Variants in CTNNA3 observed in about 807,000 individuals in gnomAD.
CTNNA3 encodes catenin alpha 3.
A neutral mutation model predicts 95.7 loss-of-function variants in CTNNA3; 76 were observed. The ratio of observed to expected loss-of-function variants is 0.79; its 90% CI spans 0.66 to 0.96. The LOEUF (loss-of-function observed/expected upper bound fraction) is 0.96, where lower values mean the gene tolerates loss of function less well. Among genes scored for constraint, CTNNA3 ranks in the 40% least tolerant of loss-of-function variants. The pLI, the probability that CTNNA3 is intolerant of heterozygous loss-of-function variation, is 0.00. For missense variants in CTNNA3, 1,191 were observed against 1,089.8 expected (o/e 1.09, Z -1.31); for synonymous variants, 431 against 374.4 (o/e 1.15, Z -1.74).
chr10:66,282,042 AAC>A (rs1418340429), intron 12 of CTNNA3, among the ~76,000 whole-genome samples: 1 of 151,918 alleles, frequency 6.6e-6, no homozygotes, highest in African/African-American at 2.4e-5. Flanking sequence ...TCAACTGCTT[AAC>A]ACATACATGT....
intron 14 of CTNNA3, among the ~76,000 whole-genome samples, chr10:66,093,582 T>TAAAA (rs1353829627): frequency 6.6e-6 from 1 of 151,888 alleles, no homozygotes; most frequent in Non-Finnish European, 1.5e-5. Flanking sequence ...TTGTAGCAAA[T>TAAAA]AAAAAGGATT....
chr10:67,533,089 CA>C (rs1840383891), intron 4 of CTNNA3, among the ~76,000 whole-genome samples: 1 of 152,076 alleles, frequency 6.6e-6, no homozygotes, highest in Admixed American at 6.6e-5. Context: ...TTTGGGAGGC[CA>C]AGGTGGGCAG....
At chr10:66,407,019 T>C (rs527752663) in intron 11 of CTNNA3, among the ~76,000 whole-genome samples, 2 of 152,168 alleles carry the variant, frequency 1.3e-5, no homozygotes, top group African/African-American at 4.8e-5. Context: ...TTAAACACTA[T>C]GAATTTTCTC....
At chr10:66,667,209 T>G (rs1279476519) in intron 9 of CTNNA3, among the ~76,000 whole-genome samples, 1 of 152,136 alleles carries the variant, frequency 6.6e-6, no homozygotes, top group Non-Finnish European at 1.5e-5. Flanking sequence ...TTGCCTAATT[T>G]TGTTACTATA....
At chr10:67,315,086 G>A (rs1840983011) in intron 5 of CTNNA3, among the ~76,000 whole-genome samples, 1 of 152,140 alleles carries the variant, frequency 6.6e-6, no homozygotes. Flanking sequence ...CACACACAGT[G>A]CCCAGTCCTC....
chr10:67,476,159 G>A (rs192730984), intron 5 of CTNNA3, among the ~76,000 whole-genome samples: 9 of 152,190 alleles, frequency 5.9e-5, no homozygotes, highest in South Asian at 4.1e-4. Flanking sequence ...ATTTAAACCC[G>A]CGAGTGCACT....
chr10:67,081,832 C>T (rs1857075055), intron 7 of CTNNA3, among the ~76,000 whole-genome samples: 1 of 152,142 alleles, frequency 6.6e-6, no homozygotes, highest in Admixed American at 6.5e-5. Context: ...TGATCCTAGC[C>T]CAGCAGAGGT....
chr10:67,585,348 C>T (rs918501610), intron 3 of CTNNA3, among the ~76,000 whole-genome samples: 3 of 152,122 alleles, frequency 2.0e-5, no homozygotes, highest in African/African-American at 4.8e-5. Flanking sequence ...ATACTGGCCT[C>T]AAAGAATGAG....
At chr10:66,757,076 C>T (rs1460782247) in intron 9 of CTNNA3, among the ~76,000 whole-genome samples, 1 of 152,140 alleles carries the variant, frequency 6.6e-6, no homozygotes, top group African/African-American at 2.4e-5. Flanking sequence ...CAACACTAGG[C>T]CTGCATTCAT....
At chr10:67,207,681 C>G (rs980164393) in intron 6 of CTNNA3, among the ~76,000 whole-genome samples, 1 of 152,152 alleles carries the variant, frequency 6.6e-6, no homozygotes, top group Non-Finnish European at 1.5e-5. Context: ...TCCAGTATAG[C>G]GACTTGACCT....
chr10:66,113,968 A>C (rs2082215980), intron 13 of CTNNA3, among the ~76,000 whole-genome samples: 1 of 152,094 alleles, frequency 6.6e-6, no homozygotes, highest in African/African-American at 2.4e-5. Context: ...TAATAAGAGC[A>C]GTAGTGGGGG....
intron 7 of CTNNA3, among the ~76,000 whole-genome samples, chr10:67,149,002 A>T (rs2894027): frequency 0.64 from 97,266 of 152,050 alleles, 32,144 homozygotes; most frequent in African/African-American, 0.81. Context: ...TTCAACATCC[A>T]AATTCAGCCC....
intron 7 of CTNNA3, among the ~76,000 whole-genome samples, chr10:66,798,945 T>A (rs967134510): frequency 6.6e-6 from 1 of 151,544 alleles, no homozygotes; most frequent in African/African-American, 2.4e-5. Context: ...GTAAAGAGAG[T>A]ATAATTCAAA....
At chr10:67,739,423 A>T (rs1039964925) in intron 1 of CTNNA3, among the ~76,000 whole-genome samples, 3 of 152,206 alleles carry the variant, frequency 2.0e-5, no homozygotes, top group African/African-American at 7.2e-5. Flanking sequence ...GTCTCAGCCC[A>T]AAATCTCCTT....
chr10:66,198,756 T>C (rs889712442), intron 13 of CTNNA3, among the ~76,000 whole-genome samples: 1 of 152,152 alleles, frequency 6.6e-6, no homozygotes, highest in African/African-American at 2.4e-5. Flanking sequence ...GTATAGCATA[T>C]ATAATTATAT....
intron 5 of CTNNA3, among the ~76,000 whole-genome samples, chr10:67,282,838 T>G (rs1839451886): frequency 6.6e-6 from 1 of 152,168 alleles, no homozygotes; most frequent in Non-Finnish European, 1.5e-5. Flanking sequence ...GACCTTCTCC[T>G]GCATGCCTGT....
chr10:66,458,788 T>C (rs2093510554), intron 11 of CTNNA3, among the ~76,000 whole-genome samples: 1 of 152,200 alleles, frequency 6.6e-6, no homozygotes, highest in South Asian at 2.1e-4. Context: ...TAATAGACCA[T>C]TGTATGATAA....
At chr10:66,852,723 T>C (rs1022486475) in intron 7 of CTNNA3, among the ~76,000 whole-genome samples, 18 of 152,172 alleles carry the variant, frequency 1.2e-4, no homozygotes, top group African/African-American at 1.7e-4. Context: ...CCAATACTTG[T>C]AGTAGTACTG....
intron 12 of CTNNA3, among the ~76,000 whole-genome samples, chr10:66,319,959 T>C (rs186767281): frequency 1.9e-3 from 289 of 152,146 alleles, no homozygotes; most frequent in Middle Eastern, 6.8e-3. Context: ...AGAAAGGTCA[T>C]TAGGATTCAA....
Sources: gnomAD v4.1 joint callset for allele counts (sites outside exome capture counted in the v4.1 genomes callset) on GRCh38, gnomAD v4.1.1 for gene constraint, MANE v1.5 for transcripts, NCBI Gene and HGNC (gene_info 2026-07-23, HGNC 2026-07-21) for gene names.